The following NPAS3 variants were observed in gnomAD, a reference collection of about 807,000 sequenced individuals.
NPAS3 encodes neuronal PAS domain protein 3, also known as neuronal PAS domain-containing protein 3.
Under a neutral mutation model 73.1 loss-of-function variants are expected in NPAS3, and 14 were observed. That is an observed-to-expected ratio of 0.19 (90% CI 0.13 to 0.30). The LOEUF (loss-of-function observed/expected upper bound fraction) is 0.30. Among genes scored for constraint, NPAS3 ranks in the 10% least tolerant of loss-of-function variants. NPAS3 has a pLI of 1.00. For missense variants in NPAS3, 1,096 were observed against 1,250.0 expected (o/e 0.88, Z 1.86); for synonymous variants, 620 against 541.5 (o/e 1.14, Z -2.01).
At position 33,693,283 on chromosome 14, in the gene NPAS3, G is replaced by A. The variant is rs371543318; in HGVS notation, c.733+16898G>A. On this transcript the variant is annotated intron_variant, in intron 6 of 11. Coordinates refer to ENST00000356141, the Ensembl canonical transcript of NPAS3. ...AATTTTTACATGGAAATAATCAACT[G>A]TTATGACCAATCCCTGTTTTTGCTT... Among the ~76,000 whole-genome samples, 4 of 152,270 alleles carry A rather than the reference G, an allele frequency of 2.6e-5. No individual in the cohort carries two copies. In the East Asian group the frequency reaches 5.8e-4, roughly 22 times the overall value.
rs1204497716 is a variant in NPAS3 at position 33,215,175 on chromosome 14, A to G, written c.141-7A>G. 1.2e-6 allele frequency: 2 copies of G among 1,613,378 alleles called. No homozygotes were observed. Among genetic ancestry groups the G allele is most frequent in the Middle Eastern group, 3.3e-4 (2 of 6,054 alleles). ...TAAACCACACATTCTCACTCCTTTG[A>G]TTTCAGTTTACAAGCATTGAGAAAG... On this transcript the variant is annotated splice_region_variant and splice_polypyrimidine_tract_variant and intron_variant, in intron 2 of 11. Transcript: ENST00000356141.
At chr14:33,527,238 C>T (rs2053841240) in intron 4 of NPAS3, among the ~76,000 whole-genome samples, 1 of 152,274 alleles carries the variant, frequency 6.6e-6, no homozygotes, top group African/African-American at 2.4e-5. Context: ...GTCAGGGGTG[C>T]TCCGAAGTGA....
chr14:32,944,995 G>T (rs58258818), intron 1 of NPAS3, among the ~76,000 whole-genome samples: 1 of 152,074 alleles, frequency 6.6e-6, no homozygotes, highest in Non-Finnish European at 1.5e-5. Flanking sequence ...ACCATGGACC[G>T]TGGTTATGCG....
intron 4 of NPAS3, 46 bp from the exon 5 acceptor site, chr14:33,560,075 C>A: frequency 2.7e-6 from 2 of 750,420 alleles, no homozygotes; most frequent in South Asian, 1.8e-5. Flanking sequence ...AATCTGCATC[C>A]TTTGTATTTA....
At chr14:33,502,849 C>T (rs938079685) in intron 4 of NPAS3, among the ~76,000 whole-genome samples, 4 of 151,924 alleles carry the variant, frequency 2.6e-5, no homozygotes, top group South Asian at 2.1e-4. Context: ...TCCGTCTCTG[C>T]ACTGCAGATT....
intron 2 of NPAS3, among the ~76,000 whole-genome samples, chr14:33,209,898 TA>T (rs1425336170): frequency 6.6e-6 from 1 of 152,210 alleles, no homozygotes; most frequent in Non-Finnish European, 1.5e-5. Flanking sequence ...GAAGGATTTT[TA>T]CATAGAAATA....
chr14:33,734,674 C>T (rs2061480677), intron 6 of NPAS3, among the ~76,000 whole-genome samples: 1 of 152,134 alleles, frequency 6.6e-6, no homozygotes, highest in African/African-American at 2.4e-5. Flanking sequence ...ATGCTTCTTA[C>T]TCCCCATGAT....
intron 7 of NPAS3, among the ~76,000 whole-genome samples, chr14:33,762,966 G>A (rs2062343210): frequency 6.6e-6 from 1 of 152,218 alleles, no homozygotes; most frequent in Non-Finnish European, 1.5e-5. Flanking sequence ...GAAAATGGAA[G>A]GGGATATGTT....
intron 1 of NPAS3, among the ~76,000 whole-genome samples, chr14:32,948,793 A>G (rs1439562587): frequency 6.6e-6 from 1 of 151,996 alleles, no homozygotes; most frequent in African/African-American, 2.4e-5. Flanking sequence ...CATTCCTCAT[A>G]TATATCGATT....
At chr14:33,068,037 C>G (rs946055196) in intron 2 of NPAS3, among the ~76,000 whole-genome samples, 1 of 152,200 alleles carries the variant, frequency 6.6e-6, no homozygotes, top group East Asian at 1.9e-4. Flanking sequence ...GTGTTCTTAT[C>G]TCCTATCTTA....
intron 9 of NPAS3, among the ~76,000 whole-genome samples, chr14:33,790,638 C>A (rs183644475): frequency 7.9e-4 from 120 of 151,822 alleles, no homozygotes; most frequent in Non-Finnish European, 1.5e-3. Flanking sequence ...ATTTCTTTTT[C>A]ATTTTTTAAA....
At chr14:33,612,360 G>A (rs1178205981) in intron 5 of NPAS3, 1 of 454,240 alleles carries the variant, frequency 2.2e-6, no homozygotes, top group Non-Finnish European at 4.4e-6. Context: ...CCCACATTCT[G>A]CTTCCCCACG....
chr14:33,452,931 G>T (rs1183091461), intron 4 of NPAS3, among the ~76,000 whole-genome samples: 4 of 152,024 alleles, frequency 2.6e-5, no homozygotes, highest in African/African-American at 4.8e-5. Context: ...ATTATGCTTG[G>T]GTAAGCATGG....
chr14:33,169,645 G>C (rs2045311402), intron 2 of NPAS3, among the ~76,000 whole-genome samples: 1 of 152,180 alleles, frequency 6.6e-6, no homozygotes, highest in African/African-American at 2.4e-5. Context: ...TTTCATTTTT[G>C]TTAGGATTTT....
chr14:33,593,371 G>A (rs888478204), intron 5 of NPAS3, among the ~76,000 whole-genome samples: 6 of 152,122 alleles, frequency 3.9e-5, no homozygotes, highest in African/African-American at 1.4e-4. Flanking sequence ...AAGGCCTAAA[G>A]CACCCATCAT....
rs572288186 is a variant in NPAS3, at chr14:33,800,436, C to T, written c.2129C>T (p.Ala710Val). ...GGCGGTGGCGGGGGGCTGCACGTGG[C>T]CATTCCCGACTCGGTCCTCACCCCG... The change falls in exon 12 of 12, where the codon GCC (alanine) becomes GTC (valine). Residue 710 changes from alanine to valine, a missense_variant. Physicochemically the swap from Ala to Val is moderately conservative, Grantham distance 64 (BLOSUM62 0). Coordinates refer to ENST00000356141, the Ensembl canonical transcript of NPAS3. The surrounding 1 kb of genome is among the most constrained non-coding windows in gnomAD (Gnocchi z 6.5). 7.0e-5 allele frequency: 110 copies of T among 1,579,950 alleles called. No homozygotes were observed. In the Admixed American group the frequency reaches 1.9e-3, roughly 28 times the overall value.
chr14:33,160,335 G>C (rs1321921344), intron 2 of NPAS3, among the ~76,000 whole-genome samples: 1 of 151,910 alleles, frequency 6.6e-6, no homozygotes, highest in African/African-American at 2.4e-5. Flanking sequence ...GAGATATTAA[G>C]ACCATATATC....
At chr14:33,172,675 A>G (rs10138416) in intron 2 of NPAS3, among the ~76,000 whole-genome samples, 143,572 of 151,984 alleles carry the variant, frequency 0.94, 68,107 homozygotes, top group Non-Finnish European at 0.99. Flanking sequence ...GGCGGAGGTT[A>G]CGCTGAACTG....
chr14:33,040,108 G>A (rs1384698445), intron 1 of NPAS3, among the ~76,000 whole-genome samples: 7 of 151,976 alleles, frequency 4.6e-5, no homozygotes, highest in African/African-American at 1.7e-4. Flanking sequence ...CCAGGGTTAG[G>A]CTGTTAGGAT....
Sources: allele counts gnomAD v4.1 joint callset (sites outside exome capture counted in the v4.1 genomes callset), GRCh38; gene constraint gnomAD v4.1.1; non-coding constraint Gnocchi (gnomAD v3.1); transcripts MANE v1.5; gene names NCBI Gene and HGNC (gene_info 2026-07-23, HGNC 2026-07-21).